The following SRFBP1 variants were observed in gnomAD, a reference collection of about 807,000 sequenced individuals.
SRFBP1 encodes serum response factor binding protein 1, also known as serum response factor-binding protein 1.
SRFBP1 carries 47 observed loss-of-function variants against 45.5 expected under a neutral mutation model. The observed-to-expected ratio is 1.03, with a 90% CI of 0.82 to 1.32. SRFBP1 has a LOEUF of 1.32. Among genes scored for constraint, SRFBP1 ranks in the 40% most tolerant of loss-of-function variants. SRFBP1 has a pLI of 0.00. For synonymous variants in SRFBP1, 203 were observed against 166.3 expected (o/e 1.22, Z -1.70); for missense variants, 621 against 484.6 (o/e 1.28, Z -2.64).
chr5:122,014,309 CATAACTACTCA>C (rs1428006116), intron 4 of SRFBP1, among the ~76,000 whole-genome samples: 3 of 152,052 alleles, frequency 2.0e-5, no homozygotes, highest in Admixed American at 2.0e-4. Flanking sequence ...CATAATTCTA[CATAACTACTCA>C]TTTTATATAC....
At chr5:121,991,327 A>G (rs909343040) in intron 3 of SRFBP1, among the ~76,000 whole-genome samples, 1 of 152,176 alleles carries the variant, frequency 6.6e-6, no homozygotes, top group Non-Finnish European at 1.5e-5. Flanking sequence ...AGTGATAAAA[A>G]AAAAGTTGTT....
At chr5:122,076,889 G>A (rs776788935), downstream of SRFBP1, 115 of 1,613,632 alleles carry the variant, frequency 7.1e-5, 1 homozygote, top group South Asian at 1.2e-3. Flanking sequence ...ATATCAGCCC[G>A]TACCTGGCCA....
downstream of SRFBP1, chr5:122,077,486 ACC>A: frequency 6.2e-7 from 1 of 1,613,914 alleles, no homozygotes; most frequent in South Asian, 1.1e-5. This position sits in a 1 kb window ranked among gnomAD's most constrained non-coding sequence, Gnocchi z 4.9. Context: ...GTCGTCGCCC[ACC>A]ATGCCGTCCA....
chr5:121,975,897 G>T (rs1413004038), intron 3 of SRFBP1, among the ~76,000 whole-genome samples: 11 of 151,248 alleles, frequency 7.3e-5, no homozygotes, highest in Middle Eastern at 3.4e-3. Context: ...TTTTCAGTCA[G>T]ACTCTTCACT....
chr5:122,036,973 C>T (rs571265153), intron 2 of SRFBP1, among the ~76,000 whole-genome samples: 8 of 151,574 alleles, frequency 5.3e-5, no homozygotes, highest in Admixed American at 2.0e-4. Flanking sequence ...CGGCTCACTG[C>T]AACCTCTGCC....
At chr5:122,063,222 T>A (rs897416204) in intron 2 of SRFBP1, 9 of 151,972 alleles carry the variant, frequency 5.9e-5, no homozygotes, top group African/African-American at 1.9e-4. Flanking sequence ...ATTCAAGGCA[T>A]TTTTATATAA....
intron 4 of SRFBP1, among the ~76,000 whole-genome samples, chr5:121,998,629 A>G (rs1752786687): frequency 6.7e-6 from 1 of 149,336 alleles, no homozygotes; most frequent in Non-Finnish European, 1.5e-5. Flanking sequence ...AGTAACCTGC[A>G]CAATGTGCAC....
chr5:122,007,345 T>G (rs745598829), intron 4 of SRFBP1, among the ~76,000 whole-genome samples: 2 of 148,264 alleles, frequency 1.3e-5, no homozygotes, highest in Non-Finnish European at 3.0e-5. Flanking sequence ...GGAGTAGGCC[T>G]GGACTCTGGA....
Position 122,020,196 on chromosome 5 carries a change from A to T in SRFBP1, c.461A>T (p.Asn154Ile), listed in dbSNP as rs1172804299. The T allele has an allele frequency of 1.9e-6, 3 of 1,612,392 alleles. No homozygotes were observed. Among genetic ancestry groups the T allele is most frequent in the Non-Finnish European group, 2.5e-6 (3 of 1,179,578 alleles). Reference sequence around the variant, plus strand: ...GAGAATACTTTGTATTCAAATGATAATGGAAGTAATTTACAGCGTGAAGCA... The same window carrying T: ...GAGAATACTTTGTATTCAAATGATATTGGAAGTAATTTACAGCGTGAAGCA... The part of the protein sequence containing the change: ...HSENTLYSND[N>I]GSNLQREATV... Residue 154 changes from asparagine to isoleucine, a missense_variant, in exon 6 of 8, where the codon AAT becomes ATT. By Grantham distance (149) the Asn-to-Ile change is moderately radical (BLOSUM62 -3). Transcript: ENST00000339397.
rs1236144187 is a variant in SRFBP1 at position 122,020,215 on chromosome 5, T to C, written c.480T>C (p.Arg160=). Reference sequence around the variant, plus strand: ...ATGATAATGGAAGTAATTTACAGCGTGAAGCAACTGTCATCAGTGAGCAAA... The same window carrying C: ...ATGATAATGGAAGTAATTTACAGCGCGAAGCAACTGTCATCAGTGAGCAAA... ...YSNDNGSNLQ[R]EATVISEQKV... is the part of the protein sequence containing the mutation. Residue 160 remains arginine, a synonymous_variant, in exon 6 of 8, where the codon CGT becomes CGC. Coordinates refer to ENST00000339397, the MANE Select transcript of SRFBP1 (RefSeq NM_152546.3). 6.2e-7 allele frequency: 1 copy of C among 1,613,416 alleles called. No homozygotes were observed. The highest frequency in any genetic ancestry group is 8.5e-7 in the Non-Finnish European group (1 of 1,179,828).
intron 4 of SRFBP1, among the ~76,000 whole-genome samples, chr5:122,014,609 T>C (rs140784711): frequency 1.4e-4 from 22 of 152,290 alleles, no homozygotes; most frequent in African/African-American, 5.3e-4. Context: ...TACATAATTA[T>C]AGAATTGTAA....
chr5:121,975,220 C>A (rs536101126), intron 2 of SRFBP1, 95 bp from the exon 3 acceptor site: 291 of 1,225,716 alleles, frequency 2.4e-4, no homozygotes, highest in East Asian at 5.5e-4. Flanking sequence ...AGATTTATTA[C>A]GCTTTTCTAA....
chr5:121,997,685 A>C (rs1255706512), intron 4 of SRFBP1, among the ~76,000 whole-genome samples: 1 of 151,336 alleles, frequency 6.6e-6, no homozygotes, highest in Non-Finnish European at 1.5e-5. Flanking sequence ...TAAACTAAAG[A>C]GCTTCTGCAC....
At chr5:122,035,038 GT>G (rs368497001) in intron 2 of SRFBP1, among the ~76,000 whole-genome samples, 2 of 148,706 alleles carry the variant, frequency 1.3e-5, no homozygotes, top group African/African-American at 2.5e-5. Context: ...AGGGATACAG[GT>G]TTTTTTTTTG....
chr5:121,998,804 A>G (rs1204676557), intron 4 of SRFBP1, among the ~76,000 whole-genome samples: 1 of 152,202 alleles, frequency 6.6e-6, no homozygotes, highest in Non-Finnish European at 1.5e-5. Context: ...AAAAAGAATT[A>G]AATTAGGTGA....
rs1305869804 is a variant in SRFBP1, at chr5:122,074,020, T to A, written n.312-1295T>A. On this transcript the variant is annotated intron_variant and non_coding_transcript_variant, in intron 2 of 2. Transcript: ENST00000504881. Reference sequence around the variant, plus strand: ...TTCAGGGTGCCAACATACCTGTGTGTGTGCAGTACATGCAAATCGCCTGTG... The same window carrying A: ...TTCAGGGTGCCAACATACCTGTGTGAGTGCAGTACATGCAAATCGCCTGTG... 6.2e-7 allele frequency: 1 copy of A among 1,613,472 alleles called. No individual in the cohort carries two copies. The highest frequency in any genetic ancestry group is 1.3e-5 in the African/African-American group (1 of 74,932).
At chr5:122,003,966 G>T (rs975398007) in intron 4 of SRFBP1, among the ~76,000 whole-genome samples, 1 of 151,950 alleles carries the variant, frequency 6.6e-6, no homozygotes, top group Non-Finnish European at 1.5e-5. Flanking sequence ...ACAGGATCTC[G>T]CTCTGTCACC....
intron 7 of SRFBP1, among the ~76,000 whole-genome samples, chr5:122,025,368 A>C (rs1366618870): frequency 1.3e-5 from 2 of 152,114 alleles, no homozygotes; most frequent in African/African-American, 4.8e-5. Context: ...TCATTGTTGG[A>C]CATTTGGGTT....
intron 4 of SRFBP1, among the ~76,000 whole-genome samples, chr5:122,017,685 A>T (rs910604840): frequency 1.3e-5 from 2 of 152,212 alleles, no homozygotes; most frequent in Non-Finnish European, 2.9e-5. Context: ...TCTTTGAGTG[A>T]CATTACTCAC....
Sources: gnomAD v4.1 joint callset for allele counts (sites outside exome capture counted in the v4.1 genomes callset) on GRCh38, gnomAD v4.1.1 for gene constraint, Gnocchi (gnomAD v3.1) non-coding constraint, MANE v1.5 for transcripts, NCBI Gene and HGNC (gene_info 2026-07-23, HGNC 2026-07-21) for gene names.